The following LRCH3 variants were observed in gnomAD, a reference collection of about 807,000 sequenced individuals.
LRCH3 encodes the protein DISP complex protein LRCH3.
A neutral mutation model predicts 104.5 loss-of-function variants in LRCH3; 68 were observed. That is an observed-to-expected ratio of 0.65 (90% confidence interval 0.54 to 0.80). The LOEUF is 0.80. Ranked by LOEUF, LRCH3 falls within the 30% of genes least tolerant of loss-of-function variation. The probability of loss-of-function intolerance (pLI) is 0.00; values close to 1 mark genes in which losing one functional copy is unlikely to be tolerated. For missense variants in LRCH3, 951 were observed against 953.9 expected, an observed-to-expected ratio of 1.00 and a Z score of 0.04; for synonymous variants, 344 against 361.3, an observed-to-expected ratio of 0.95 and a Z score of 0.54.
chr3:197,819,902 G>A (rs561532167), intron 3 of LRCH3, among the ~76,000 whole-genome samples: 1 of 152,138 alleles, frequency 6.6e-6, no homozygotes, highest in South Asian at 2.1e-4. Context: ...TAGAGACAAG[G>A]CCTTACCATG....
In LRCH3 at chr3:197,874,537, G is replaced by A. The variant is rs1712635749; in HGVS notation, c.2131-1161G>A. Among the ~76,000 whole-genome samples the A allele has an allele frequency of 2.6e-5, 4 of 152,196 alleles. No homozygotes were observed. The South Asian group carries it at 6.2e-4, about 24-fold the overall frequency. ...TGATTATTTCATTATATATTACAATGTAATAATAGAAATAAAATACACAAT... is the reference window on the plus strand; with the variant it reads ...TGATTATTTCATTATATATTACAATATAATAATAGAAATAAAATACACAAT... On this transcript the variant is annotated intron_variant, in intron 19 of 20. Transcript: ENST00000425562.
Position 197,835,840 on chromosome 3 carries a change from G to A in LRCH3, c.1251+18G>A. 6.2e-7 allele frequency: 1 copy of A among 1,610,794 alleles called. No homozygotes were observed. Among genetic ancestry groups the A allele is most frequent in the African/African-American group, 1.3e-5 (1 of 74,986 alleles). On this transcript the variant is annotated intron_variant, in intron 9 of 20. Transcript: ENST00000425562. ...CTCATGAGGTAGTACACAGATTGAAGCCTAAATATGTTGCTATCCCTTCAT... is the reference window on the plus strand; with the variant it reads ...CTCATGAGGTAGTACACAGATTGAAACCTAAATATGTTGCTATCCCTTCAT...
Position 197,839,384 on chromosome 3 carries a change from T to C in LRCH3, c.1315T>C (p.Leu439=). 6.3e-7 allele frequency: 1 copy of C among 1,582,678 alleles called. No individual in the cohort carries two copies. Among genetic ancestry groups the C allele is most frequent in the South Asian group, 1.2e-5 (1 of 86,950 alleles). The change falls in exon 10 of 21, where the codon TTA becomes CTA. Residue 439 remains leucine (L), a synonymous_variant. Transcript: ENST00000425562. ...AAAAACAGAAGATATGAGAAGATAT[T>C]TACATCAAAACAGGTTTGAAAAACC... ...FQKTEDMRRY[L]HQNRVPAEPS... is the part of the protein sequence containing the mutation.
At chr3:197,817,341 T>TATTTTGTGTGTGTGC in intron 3 of LRCH3, 39 bp downstream of exon 3, 1 of 435,568 alleles carries the variant, frequency 2.3e-6, no homozygotes, top group Non-Finnish European at 3.3e-6. Flanking sequence ...TGTGTGTGTG[T>TATTTTGTGTGTGTGC]GTGTCTGTGT....
rs192483082 is a variant in LRCH3 at position 197,885,439 on chromosome 3, C to G, written c.*1773C>G. On this transcript the variant is annotated 3_prime_UTR_variant, in exon 21 of 21. Coordinates refer to ENST00000425562, the MANE Select transcript of LRCH3 (RefSeq NM_001365715.1). ...CAGCCTGACCAACATGGAGAAACCC[C>G]GTCTCTACTAAAAATACAAAATTAG... 4 of 152,138 alleles carry G rather than the reference C, an allele frequency of 2.6e-5. No homozygotes were observed. The East Asian group carries it at 7.7e-4, about 29-fold the overall frequency. The allele number at this position is 152,138 out of a possible 1,614,324, so 9.4% of individuals were successfully genotyped here. A position where few individuals can be genotyped will look rare whatever the true frequency, so the allele number is the denominator to read the frequency against.
Position 197,852,555 on chromosome 3 carries a change from A to G in LRCH3, c.1531-6A>G. 6.2e-7 allele frequency: 1 copy of G among 1,614,046 alleles called. No individual in the cohort carries two copies. The highest frequency in any genetic ancestry group is 8.5e-7 in the Non-Finnish European group (1 of 1,179,954). ...TCCTTTTTTGGGGGGTTTTGGGATT[A>G]TACAGCAAAAAGCATCACAAAGTCC... On this transcript the variant is annotated splice_polypyrimidine_tract_variant and splice_region_variant and intron_variant, in intron 12 of 20. Transcript: ENST00000425562.
chr3:197,876,410 A>T (rs1424636349), intron 20 of LRCH3: 1 of 152,250 alleles, frequency 6.6e-6, no homozygotes, highest in Admixed American at 6.5e-5. Context: ...TATTGCCTCC[A>T]GCTCAGTTAT....
Position 197,794,742 on chromosome 3 carries a change from C to T in LRCH3, c.262+3202C>T, listed in dbSNP as rs532895684. 2.6e-5 allele frequency among the ~76,000 whole-genome samples: 4 copies of T among 152,296 alleles called. No homozygotes were observed. The South Asian group carries it at 6.2e-4, about 24-fold the overall frequency. On this transcript the variant is annotated intron_variant, in intron 1 of 20. Coordinates refer to ENST00000425562, the MANE Select transcript of LRCH3 (RefSeq NM_001365715.1). The stretch of plus-strand genomic sequence containing the variant: ...TAATCTGGCTGGGCCTGGTGGCTCT[C>T]GCCTATAATCCCAGCACTTTGGGAG...
intron 5 of LRCH3, 109 bp downstream of exon 5, chr3:197,827,123 G>T: frequency 1.3e-6 from 2 of 1,519,286 alleles, no homozygotes; most frequent in Non-Finnish European, 1.8e-6. Flanking sequence ...CATAGTGGAA[G>T]CATCAGGTAA....
chr3:197,875,739 T>C lies in LRCH3; in HGVS notation c.2172T>C (p.Asn724=), dbSNP rs1712814629. 1.3e-6 allele frequency: 2 copies of C among 1,534,898 alleles called. No homozygotes were observed. Among genetic ancestry groups the C allele is most frequent in the African/African-American group, 2.7e-5 (2 of 73,010 alleles). The change falls in exon 20 of 21, where the codon AAT becomes AAC. Residue 724 remains asparagine (N), a synonymous_variant. Transcript: ENST00000425562. ...CGAAATGCAGGCGAAATGTGGAAAA[T>C]TTCCTAGAAGCTTGCAGAAAAATTG... ...TMAKCRRNVE[N]FLEACRKIGV... is the part of the protein sequence containing the mutation.
chr3:197,825,998 CT>C (rs1735163798), intron 4 of LRCH3, among the ~76,000 whole-genome samples: 1 of 152,026 alleles, frequency 6.6e-6, no homozygotes, highest in Admixed American at 6.5e-5. Flanking sequence ...TCAAAATTTT[CT>C]TCTGCTTTCT....
At chr3:197,816,399 G>T (rs1487116648) in intron 2 of LRCH3, among the ~76,000 whole-genome samples, 1 of 151,992 alleles carries the variant, frequency 6.6e-6, no homozygotes, top group Non-Finnish European at 1.5e-5. Context: ...TCCTGCCTCA[G>T]CCTCCCGAGT....
chr3:197,827,139 A>C, intron 5 of LRCH3, 125 bp downstream of exon 5: 2 of 1,459,498 alleles, frequency 1.4e-6, no homozygotes, highest in Middle Eastern at 2.3e-4. Context: ...GGTAAACCAC[A>C]GTGGAAGCAT....
rs576554181 is a variant in LRCH3, at chr3:197,883,717, C to G, written c.*51C>G. ...CCTGGCCAAAACAAGGAACAGGACACCGTGATTGCTGCTGCCAGCTGTCTG... is the reference window on the plus strand; with the variant it reads ...CCTGGCCAAAACAAGGAACAGGACAGCGTGATTGCTGCTGCCAGCTGTCTG... On this transcript the variant is annotated 3_prime_UTR_variant, in exon 21 of 21. Coordinates refer to ENST00000425562, the MANE Select transcript of LRCH3 (RefSeq NM_001365715.1). The surrounding 1 kb of genome is among the most constrained non-coding windows in gnomAD (Gnocchi z 4.2). The G allele has an allele frequency of 6.7e-7, 1 of 1,497,276 alleles. No homozygotes were observed. Among genetic ancestry groups the G allele is most frequent in the East Asian group, 2.5e-5 (1 of 40,102 alleles). The allele number at this position is 1,497,276 out of a possible 1,614,324, so 92.7% of individuals were successfully genotyped here.
chr3:197,873,849 CA>C (rs1712536702), intron 19 of LRCH3, among the ~76,000 whole-genome samples: 1 of 151,906 alleles, frequency 6.6e-6, no homozygotes, highest in Non-Finnish European at 1.5e-5. Context: ...GATGAAACCC[CA>C]TCTCTACTAA....
chr3:197,878,829 T>C (rs1271528650), intron 20 of LRCH3, among the ~76,000 whole-genome samples: 6 of 152,230 alleles, frequency 3.9e-5, no homozygotes, highest in African/African-American at 1.4e-4. Context: ...ATTCTGGCCT[T>C]TACTTAAACA....
chr3:197,845,472 A>T (rs1171229866), intron 10 of LRCH3, among the ~76,000 whole-genome samples: 5 of 151,920 alleles, frequency 3.3e-5, no homozygotes, highest in Non-Finnish European at 5.9e-5. Context: ...GGAGATACAT[A>T]CATGTTATCT....
At chr3:197,870,657 C>T (rs1712057378) in intron 18 of LRCH3, among the ~76,000 whole-genome samples, 1 of 152,042 alleles carries the variant, frequency 6.6e-6, no homozygotes, top group South Asian at 2.1e-4. Flanking sequence ...TGAGCTTCCG[C>T]GCCCGGCTGT....
intron 9 of LRCH3, among the ~76,000 whole-genome samples, chr3:197,838,835 G>C (rs767092456): frequency 1.3e-5 from 2 of 152,152 alleles, no homozygotes; most frequent in Admixed American, 6.5e-5. Context: ...ACTCAAGACT[G>C]TTTGTATGAG....
Sources: allele counts gnomAD v4.1 joint callset (sites outside exome capture counted in the v4.1 genomes callset), GRCh38; gene constraint gnomAD v4.1.1; non-coding constraint Gnocchi (gnomAD v3.1); transcripts MANE v1.5; gene names NCBI Gene and HGNC (gene_info 2026-07-23, HGNC 2026-07-21).